The following SLC35F4 variants were observed in gnomAD, a reference collection of about 807,000 sequenced individuals.
The protein encoded by SLC35F4 is chromosome 14 open reading frame 36.
SLC35F4 carries 24 observed loss-of-function variants against 44.2 expected under a neutral mutation model. The observed-to-expected ratio is 0.54, with a 90% confidence interval of 0.39 to 0.76. The LOEUF is 0.76. Ranked by LOEUF, SLC35F4 falls within the 30% of genes least tolerant of loss-of-function variation. The pLI is 0.00. For missense variants in SLC35F4, 562 were observed against 586.1 expected (o/e 0.96, Z 0.42); for synonymous variants, 238 against 223.6 (o/e 1.06, Z -0.57).
intron 1 of SLC35F4, among the ~76,000 whole-genome samples, chr14:57,980,177 T>C (rs1881336101): frequency 6.6e-6 from 1 of 152,210 alleles, no homozygotes; most frequent in Non-Finnish European, 1.5e-5. Context: ...ATAATGTGAC[T>C]ATGGCCAAGA....
intron 1 of SLC35F4, among the ~76,000 whole-genome samples, chr14:57,658,230 A>G (rs1326328730): frequency 6.6e-6 from 1 of 152,210 alleles, no homozygotes; most frequent in Non-Finnish European, 1.5e-5. Flanking sequence ...TATAAACAGA[A>G]CATTGATACT....
chr14:57,645,219 C>T (rs2073446596), intron 1 of SLC35F4, among the ~76,000 whole-genome samples: 2 of 152,106 alleles, frequency 1.3e-5, no homozygotes, highest in Admixed American at 1.3e-4. Context: ...GGCAGTATGG[C>T]CATTTTCACA....
At chr14:57,874,033 A>G (rs1888346317) in intron 1 of SLC35F4, among the ~76,000 whole-genome samples, 1 of 152,212 alleles carries the variant, frequency 6.6e-6, no homozygotes, top group Non-Finnish European at 1.5e-5. Context: ...TCTTAAGCTA[A>G]TAAAGTGCTC....
intron 1 of SLC35F4, among the ~76,000 whole-genome samples, chr14:57,679,917 A>T (rs989168734): frequency 6.6e-6 from 1 of 152,024 alleles, no homozygotes; most frequent in Non-Finnish European, 1.5e-5. Flanking sequence ...AGGACCAGAC[A>T]GATTCATAGC....
intron 1 of SLC35F4, among the ~76,000 whole-genome samples, chr14:57,625,528 G>A (rs2760289): frequency 0.6 from 91,631 of 151,986 alleles, 29,860 homozygotes; most frequent in Non-Finnish European, 0.74. Flanking sequence ...AGCTGGAGGC[G>A]TCATGCTACC....
At position 57,865,717 on chromosome 14, in the gene SLC35F4, T is replaced by C; in HGVS notation, c.103+6A>G. The stretch of plus-strand genomic sequence containing the variant: ...CCTCGCGCAGGGCAGCCGCGCGGCG[T>C]CTTACTTTTCTGGCTGGAGTAACCT... On this transcript the variant is annotated splice_donor_region_variant and intron_variant, in intron 1 of 7. Coordinates refer to ENST00000556826, the MANE Select transcript of SLC35F4 (RefSeq NM_001306087.2). 1 of 1,516,142 alleles carries C rather than the reference T, an allele frequency of 6.6e-7. No individual in the cohort carries two copies. Among genetic ancestry groups the C allele is most frequent in the Non-Finnish European group, 8.8e-7 (1 of 1,138,132 alleles). The allele number at this position is 1,516,142 out of a possible 1,614,324, so 93.9% of individuals were successfully genotyped here.
intron 1 of SLC35F4, among the ~76,000 whole-genome samples, chr14:57,800,880 A>G (rs1354740367): frequency 6.6e-6 from 1 of 152,224 alleles, no homozygotes; most frequent in African/African-American, 2.4e-5. Flanking sequence ...AAGGAGACTG[A>G]ACCTATGACT....
At chr14:57,976,286 A>G (rs1485499629), downstream of SLC35F4, among the ~76,000 whole-genome samples, 2 of 152,240 alleles carry the variant, frequency 1.3e-5, no homozygotes, top group African/African-American at 4.8e-5. Context: ...GCGCTACTTG[A>G]AAAGCAATTG....
At chr14:57,959,507 A>G (rs750701918) in intron 1 of SLC35F4, among the ~76,000 whole-genome samples, 1 of 152,220 alleles carries the variant, frequency 6.6e-6, no homozygotes, top group Non-Finnish European at 1.5e-5. Flanking sequence ...ACACTCATAC[A>G]GTCAGAAATT....
rs140830736 is a variant in SLC35F4 at position 57,629,269 on chromosome 14, C to T, written c.104-35145G>A. On this transcript the variant is annotated intron_variant, in intron 1 of 7. Transcript: ENST00000556826. Reference sequence around the variant, plus strand: ...TCTCCCTGGGAAACCATTTGCCCCACATTCAAACAATGTTTGACCTCCACT... The same window carrying T: ...TCTCCCTGGGAAACCATTTGCCCCATATTCAAACAATGTTTGACCTCCACT... Among the ~76,000 whole-genome samples, 4 of 152,194 alleles carry T rather than the reference C, an allele frequency of 2.6e-5. No homozygotes were observed. In the East Asian group the frequency reaches 7.8e-4, roughly 30 times the overall value.
intron 1 of SLC35F4, among the ~76,000 whole-genome samples, chr14:57,826,450 T>C (rs1449273709): frequency 1.3e-5 from 2 of 152,122 alleles, no homozygotes; most frequent in African/African-American, 4.8e-5. Flanking sequence ...GACATAGGCA[T>C]GGGCAAAGAT....
chr14:57,896,211 A>C (rs1888865990), intron 1 of SLC35F4, among the ~76,000 whole-genome samples: 2 of 152,292 alleles, frequency 1.3e-5, no homozygotes, highest in African/African-American at 4.8e-5. Flanking sequence ...TAATTTAGGC[A>C]AGAAACAATT....
intron 1 of SLC35F4, among the ~76,000 whole-genome samples, chr14:57,714,284 G>A (rs767499210): frequency 6.6e-6 from 1 of 152,124 alleles, no homozygotes; most frequent in Non-Finnish European, 1.5e-5. Flanking sequence ...CCAGAAAATA[G>A]GAGAGTTTTG....
chr14:57,912,658 A>G lies in SLC35F4; in HGVS notation n.282+69255T>C, dbSNP rs144157954. Among the ~76,000 whole-genome samples the G allele has an allele frequency of 9.2e-3, 1,401 of 151,972 alleles. 28 individuals are homozygous for G. Among genetic ancestry groups the G allele is most frequent in the African/African-American group, 0.032 (1,314 of 41,508 alleles). The stretch of plus-strand genomic sequence containing the variant: ...CATTGCATGATTTCTATTCCCTTAA[A>G]TTTGTTAAGCTGTGCTTTATGGCCC... On this transcript the variant is annotated intron_variant and non_coding_transcript_variant, in intron 1 of 1. Coordinates refer to the SLC35F4 transcript ENST00000556568.
intron 1 of SLC35F4, among the ~76,000 whole-genome samples, chr14:57,853,547 A>G (rs1489221452): frequency 6.6e-6 from 1 of 152,182 alleles, no homozygotes; most frequent in African/African-American, 2.4e-5. Flanking sequence ...AATAGGGTCA[A>G]GAGTGTGCAT....
chr14:57,873,866 G>T (rs12436882), intron 1 of SLC35F4, among the ~76,000 whole-genome samples: 1 of 151,970 alleles, frequency 6.6e-6, no homozygotes. Flanking sequence ...TTTAGCAATC[G>T]CAATTATCTC....
At chr14:57,789,492 A>G (rs1025895767) in intron 1 of SLC35F4, among the ~76,000 whole-genome samples, 1 of 152,164 alleles carries the variant, frequency 6.6e-6, no homozygotes, top group South Asian at 2.1e-4. Flanking sequence ...TCTGAAATTG[A>G]GGCAGTAATT....
intron 1 of SLC35F4, among the ~76,000 whole-genome samples, chr14:57,639,117 T>C (rs1160236153): frequency 6.6e-6 from 1 of 152,120 alleles, no homozygotes; most frequent in African/African-American, 2.4e-5. Flanking sequence ...TGATGAACTT[T>C]GACCTAATCA....
At chr14:57,898,342 T>C (rs1014959265) in intron 1 of SLC35F4, among the ~76,000 whole-genome samples, 1 of 152,236 alleles carries the variant, frequency 6.6e-6, no homozygotes. Context: ...TTAAAACACA[T>C]GCATTCATGG....
Sources: gnomAD v4.1 joint callset for allele counts (sites outside exome capture counted in the v4.1 genomes callset) on GRCh38, gnomAD v4.1.1 for gene constraint, MANE v1.5 for transcripts, NCBI Gene and HGNC (gene_info 2026-07-23, HGNC 2026-07-21) for gene names.